The following CCND2 variants were observed in gnomAD, a reference collection of about 807,000 sequenced individuals.
CCND2 encodes G1/S-specific cyclin-D2.
A neutral mutation model predicts 30.2 loss-of-function variants in CCND2; 6 were observed. The observed-to-expected ratio is 0.20, with a 90% confidence interval of 0.11 to 0.39. CCND2 has a LOEUF of 0.39. CCND2 is among the 10% of genes least tolerant of loss of function. CCND2 has a pLI of 1.00. For synonymous variants in CCND2, 150 were observed against 153.1 expected, an observed-to-expected ratio of 0.98 and a Z score of 0.15; for missense variants, 235 against 373.4, an observed-to-expected ratio of 0.63 and a Z score of 3.06.
chr12:4,277,703 C>G (rs1290517708), intron 2 of CCND2, among the ~76,000 whole-genome samples: 1 of 152,142 alleles, frequency 6.6e-6, no homozygotes, highest in Admixed American at 6.5e-5. Context: ...GGGAATCACC[C>G]CCAGCCCCAC....
At position 4,274,285 on chromosome 12, in the gene CCND2, C is replaced by T. The variant is rs1271942631; in HGVS notation, c.195+50C>T. The T allele has an allele frequency of 1.9e-6, 3 of 1,584,312 alleles. No individual in the cohort carries two copies. Among genetic ancestry groups the T allele is most frequent in the Non-Finnish European group, 1.7e-6 (2 of 1,158,412 alleles). The stretch of plus-strand genomic sequence containing the variant: ...AGGAGCCAGGACCCCTCCGGATGCT[C>T]GGGTCCCCGGCCGGAGCCCTAAACC... On this transcript the variant is annotated intron_variant, in intron 1 of 4. Transcript: ENST00000261254. The surrounding 1 kb of genome is among the most constrained non-coding windows in gnomAD (Gnocchi z 7.7).
rs1262718859 is a variant in CCND2, at chr12:4,300,885, G to A, written c.*876G>A. ...GTATTTAAAAGGGTAATGTGGCCTT[G>A]GCATTTCTTCTTAGAAAAAAACTAA... On this transcript the variant is annotated 3_prime_UTR_variant, in exon 5 of 5. Transcript: ENST00000261254. 8.6e-6 allele frequency: 2 copies of A among 233,616 alleles called. No homozygotes were observed. The highest frequency in any genetic ancestry group is 1.1e-4 in the Admixed American group (2 of 17,776). The allele number at this position is 233,616 out of a possible 1,614,324, so 14.5% of individuals were successfully genotyped here.
At chr12:4,281,606 A>C (rs1453428410) in intron 3 of CCND2, among the ~76,000 whole-genome samples, 2 of 151,830 alleles carry the variant, frequency 1.3e-5, no homozygotes, top group East Asian at 3.9e-4. Context: ...AGGGTCTCGG[A>C]GGTCCACAGT....
chr12:4,297,592 A>AAG lies in CCND2; in HGVS notation c.721-2267_721-2266insGA, dbSNP rs1565438151. On this transcript the variant is annotated intron_variant, in intron 4 of 4. Transcript: ENST00000261254. ...TCTCAAAAAAAAAAAAAAAAAAAAA[A>AAG]AAAAACAGAAAAGAAAAGAAACATT... Among the ~76,000 whole-genome samples the AAG allele has an allele frequency of 6.3e-3, 945 of 150,854 alleles. 14 individuals are homozygous for AAG. The highest frequency in any genetic ancestry group is 0.022 in the African/African-American group (900 of 40,498).
chr12:4,286,777 A>G (rs556255757), intron 3 of CCND2, among the ~76,000 whole-genome samples: 1 of 152,302 alleles, frequency 6.6e-6, no homozygotes, highest in South Asian at 2.1e-4. Context: ...TATGCCAATA[A>G]TAAGAGTTGG....
intron 2 of CCND2, among the ~76,000 whole-genome samples, chr12:4,277,247 G>C (rs1390023754): frequency 1.3e-5 from 2 of 152,222 alleles, no homozygotes; most frequent in Non-Finnish European, 2.9e-5. Context: ...GGCCTAGAAA[G>C]GTGCTTTCTT....
rs1228776347 is a variant in CCND2 at position 4,274,527 on chromosome 12, C to T, written c.195+292C>T. On this transcript the variant is annotated intron_variant, in intron 1 of 4. Coordinates refer to ENST00000261254, the MANE Select transcript of CCND2 (RefSeq NM_001759.4). This position sits in a 1 kb window ranked among gnomAD's most constrained non-coding sequence, Gnocchi z 7.7. The stretch of plus-strand genomic sequence containing the variant: ...GCATGTGGCTGCCTCTTCTTCCCAC[C>T]CCCCTCGCGACCTGTCTTTTGCGAA... Among the ~76,000 whole-genome samples the T allele has an allele frequency of 1.3e-5, 2 of 152,172 alleles. No individual in the cohort carries two copies. The highest frequency in any genetic ancestry group is 2.9e-5 in the Non-Finnish European group (2 of 68,022).
rs986209425 is a variant in CCND2 at position 4,303,107 on chromosome 12, A to G, written c.*3098A>G. ...CAGAAGCAGCAAATGAAAGAACCGG[A>G]CAAATAAGGAAGGGCACAAGCCTAC... On this transcript the variant is annotated 3_prime_UTR_variant, in exon 5 of 5. Transcript: ENST00000261254. This position sits in a 1 kb window ranked among gnomAD's most constrained non-coding sequence, Gnocchi z 4.6. The G allele has an allele frequency of 3.9e-5, 9 of 233,168 alleles. No homozygotes were observed. In the Admixed American group the frequency reaches 4.5e-4, roughly 12 times the overall value. 14.4% of individuals were successfully genotyped at this position (233,168 alleles called of 1,614,324 possible). A position where few individuals can be genotyped will look rare whatever the true frequency, so the allele number is the denominator to read the frequency against.
Position 4,285,222 on chromosome 12 carries a change from G to GC in CCND2, c.572-3620_572-3619insC. On this transcript the variant is annotated intron_variant, in intron 3 of 4. Coordinates refer to ENST00000261254, the MANE Select transcript of CCND2 (RefSeq NM_001759.4). The surrounding 1 kb of genome is among the most constrained non-coding windows in gnomAD (Gnocchi z 4.1). Reference sequence around the variant, plus strand: ...GGAACAGGGAGGAGCACATTGTCATGAGTCGATCAGAATGGATCGCTGATC... The same window carrying GC: ...GGAACAGGGAGGAGCACATTGTCATGCAGTCGATCAGAATGGATCGCTGATC... The GC allele has an allele frequency of 1.1e-6, 1 of 908,954 alleles. No homozygotes were observed. The highest frequency in any genetic ancestry group is 1.3e-6 in the Non-Finnish European group (1 of 760,182). The allele number at this position is 908,954 out of a possible 1,614,324, so 56.3% of individuals were successfully genotyped here. A position where few individuals can be genotyped will look rare whatever the true frequency, so the allele number is the denominator to read the frequency against.
Position 4,300,711 on chromosome 12 carries a change from GCTT to G in CCND2, c.*710_*712del, listed in dbSNP as rs759261685. ...TGGGTTTCATGTTCTGTGACATCCT[GCTT>G]CTTCTTCCAAATGCAGTTCATTGCA... is the stretch of plus-strand genomic sequence containing the variant. On this transcript the variant is annotated 3_prime_UTR_variant, in exon 5 of 5. Transcript: ENST00000261254. 8.6e-6 allele frequency: 2 copies of G among 233,562 alleles called. No individual in the cohort carries two copies. Among genetic ancestry groups the G allele is most frequent in the African/African-American group, 2.2e-5 (1 of 45,342 alleles). The allele number at this position is 233,562 out of a possible 1,614,324, so 14.5% of individuals were successfully genotyped here.
intron 4 of CCND2, among the ~76,000 whole-genome samples, chr12:4,290,031 A>C (rs558258146): frequency 6.6e-6 from 1 of 152,164 alleles, no homozygotes; most frequent in African/African-American, 2.4e-5. Flanking sequence ...GCACTTCACG[A>C]TGACACCCTC....
rs1438698914 is a variant in CCND2 at position 4,303,315 on chromosome 12, C to T, written c.*3306C>T. 8.6e-6 allele frequency: 2 copies of T among 233,350 alleles called. No individual in the cohort carries two copies. Among genetic ancestry groups the T allele is most frequent in the East Asian group, 6.0e-5 (1 of 16,592 alleles). The allele number at this position is 233,350 out of a possible 1,614,324, so 14.5% of individuals were successfully genotyped here. ...CTCCTGCTTAAACACAAGAAGGAAT[C>T]CTGGATTTTGCCCTCTCCTTAGCTC... On this transcript the variant is annotated 3_prime_UTR_variant, in exon 5 of 5. Coordinates refer to ENST00000261254, the MANE Select transcript of CCND2 (RefSeq NM_001759.4). The surrounding 1 kb of genome is among the most constrained non-coding windows in gnomAD (Gnocchi z 4.6).
At chr12:4,288,670 A>C (rs142564088) in intron 3 of CCND2, among the ~76,000 whole-genome samples, 172 bp from the exon 4 acceptor site, 2 of 152,284 alleles carry the variant, frequency 1.3e-5, no homozygotes, top group Non-Finnish European at 2.9e-5. Context: ...TGGTGATGGC[A>C]AATAAACACA....
chr12:4,287,481 C>T lies in CCND2; in HGVS notation c.572-1361C>T, dbSNP rs1802847706. Among the ~76,000 whole-genome samples, 1 of 152,054 alleles carries T rather than the reference C, an allele frequency of 6.6e-6. No individual in the cohort carries two copies. The highest frequency in any genetic ancestry group is 2.1e-4 in the South Asian group (1 of 4,818). On this transcript the variant is annotated intron_variant, in intron 3 of 4. Transcript: ENST00000261254. The surrounding 1 kb of genome is among the most constrained non-coding windows in gnomAD (Gnocchi z 4.0). ...ATGCTGTGTCTCCTGCCCCCACGTG[C>T]CCCTTCCATGTCTACACACAGTAAG...
Position 4,276,850 on chromosome 12 carries a change from G to C in CCND2, c.411+630G>C, listed in dbSNP as rs1003599994. 2.0e-5 allele frequency among the ~76,000 whole-genome samples: 3 copies of C among 152,182 alleles called. No homozygotes were observed. The highest frequency in any genetic ancestry group is 4.4e-5 in the Non-Finnish European group (3 of 68,040). ...GTCTTATCTCTGCTTTTCTACCAGG[G>C]AACCTTTTTCCCACCTGATCTAACT... On this transcript the variant is annotated intron_variant, in intron 2 of 4. Coordinates refer to ENST00000261254, the MANE Select transcript of CCND2 (RefSeq NM_001759.4). The surrounding 1 kb of genome is among the most constrained non-coding windows in gnomAD (Gnocchi z 4.8).
rs2120608137 is a variant in CCND2, at chr12:4,305,259, A to T, written c.*5250A>T. On this transcript the variant is annotated 3_prime_UTR_variant, in exon 5 of 5. Transcript: ENST00000261254. The surrounding 1 kb of genome is among the most constrained non-coding windows in gnomAD (Gnocchi z 6.4). ...GTGTTAAGTGATTTAAAAAAATAAT[A>T]ACCTGTTTTCTGACTAGTTTAAAGA... The T allele has an allele frequency of 4.3e-6, 1 of 231,956 alleles. No individual in the cohort carries two copies. Among genetic ancestry groups the T allele is most frequent in the East Asian group, 6.1e-5 (1 of 16,344 alleles). The allele number at this position is 231,956 out of a possible 1,614,324, so 14.4% of individuals were successfully genotyped here. A position where few individuals can be genotyped will look rare whatever the true frequency, so the allele number is the denominator to read the frequency against.
In CCND2 at chr12:4,279,724, T is replaced by G. The variant is rs185702252; in HGVS notation, c.571+805T>G. On this transcript the variant is annotated intron_variant, in intron 3 of 4. Transcript: ENST00000261254. ...TTGGCCAGTGTCTACTGGTTTTTTGTTTTTTTTTTTCTTGGTAGTGGCCAT... is the reference window on the plus strand; with the variant it reads ...TTGGCCAGTGTCTACTGGTTTTTTGGTTTTTTTTTTCTTGGTAGTGGCCAT... 2.7e-5 allele frequency among the ~76,000 whole-genome samples: 4 copies of G among 146,812 alleles called. 1 individual carries two copies. Among genetic ancestry groups the G allele is most frequent in the East Asian group, 4.2e-4 (2 of 4,780 alleles).
chr12:4,288,870 G>A lies in CCND2; in HGVS notation c.600G>A (p.Ser200=), dbSNP rs562182290. The part of the protein sequence containing the change: ...TDFKFAMYPP[S]MIATGSVGAA... ...TTAAGTTTGCCATGTACCCACCGTC[G>A]ATGATCGCAACTGGAAGTGTGGGAG... Residue 200 remains serine (S), a synonymous_variant, in exon 4 of 5, where the codon TCG becomes TCA. Transcript: ENST00000261254. 3.4e-5 allele frequency: 55 copies of A among 1,613,320 alleles called. No homozygotes were observed. The South Asian group carries it at 3.6e-4, about 11-fold the overall frequency.
intron 4 of CCND2, among the ~76,000 whole-genome samples, chr12:4,291,727 G>A (rs1864103569): frequency 6.6e-6 from 1 of 152,128 alleles, no homozygotes; most frequent in African/African-American, 2.4e-5. Flanking sequence ...TCTTAGAGTA[G>A]AGAAACAAAA....
Sources: gnomAD v4.1 joint callset for allele counts (sites outside exome capture counted in the v4.1 genomes callset) on GRCh38, gnomAD v4.1.1 for gene constraint, Gnocchi (gnomAD v3.1) non-coding constraint, MANE v1.5 for transcripts, NCBI Gene and HGNC (gene_info 2026-07-23, HGNC 2026-07-21) for gene names.